Variants in RIPOR2 observed in about 807,000 individuals in gnomAD.
RIPOR2 encodes rho family-interacting cell polarization regulator 2.
RIPOR2 carries 39 observed loss-of-function variants against 114.5 expected under a neutral mutation model. That is an observed-to-expected ratio of 0.34 (90% CI 0.26 to 0.44). RIPOR2 has a LOEUF of 0.44. Among genes scored for constraint, RIPOR2 ranks in the 20% least tolerant of loss-of-function variants. RIPOR2 has a pLI of 1.00. For missense variants in RIPOR2, 1,007 were observed against 1,255.1 expected, an observed-to-expected ratio of 0.80 and a Z score of 2.99; for synonymous variants, 445 against 484.4, an observed-to-expected ratio of 0.92 and a Z score of 1.07.
At chr6:24,968,908 C>T (rs952423654) in intron 1 of RIPOR2, among the ~76,000 whole-genome samples, 1 of 152,194 alleles carries the variant, frequency 6.6e-6, no homozygotes, top group African/African-American at 2.4e-5. Flanking sequence ...CTGACCTATA[C>T]TGAACTGGCT....
chr6:24,886,911 C>A (rs1249210444), intron 1 of RIPOR2, among the ~76,000 whole-genome samples: 1 of 152,200 alleles, frequency 6.6e-6, no homozygotes, highest in Non-Finnish European at 1.5e-5. Context: ...TCAATTATTC[C>A]TATAATGATG....
chr6:24,897,498 C>T (rs1767997347), intron 1 of RIPOR2, among the ~76,000 whole-genome samples: 1 of 152,168 alleles, frequency 6.6e-6, no homozygotes, highest in South Asian at 2.1e-4. Flanking sequence ...CACTGTGTGC[C>T]ACAATTAATA....
intron 1 of RIPOR2, 32 bp from the exon 2 acceptor site, chr6:24,875,849 A>T: frequency 6.4e-7 from 1 of 1,572,716 alleles, no homozygotes; most frequent in Non-Finnish European, 8.6e-7. Flanking sequence ...ATGACAATTT[A>T]TAGGCAGGTT....
intron 1 of RIPOR2, among the ~76,000 whole-genome samples, chr6:24,891,273 T>C (rs1767331559): frequency 6.6e-6 from 1 of 152,188 alleles, no homozygotes; most frequent in Non-Finnish European, 1.5e-5. Flanking sequence ...GTTTCATTGC[T>C]GGTTCTAACT....
intron 1 of RIPOR2, among the ~76,000 whole-genome samples, chr6:24,941,407 C>A (rs767289283): frequency 1.2e-3 from 182 of 151,918 alleles, no homozygotes; most frequent in Non-Finnish European, 1.9e-3. Context: ...GGCACTGGTT[C>A]TGGGATTTGA....
intron 1 of RIPOR2, among the ~76,000 whole-genome samples, chr6:25,024,706 C>T (rs9358824): frequency 3.3e-5 from 5 of 152,042 alleles, no homozygotes; most frequent in Admixed American, 1.3e-4. Flanking sequence ...CCTTGCTCCC[C>T]GACAATACTG....
intron 1 of RIPOR2, among the ~76,000 whole-genome samples, chr6:25,017,122 C>T (rs1019747833): frequency 1.3e-5 from 2 of 152,198 alleles, no homozygotes; most frequent in Non-Finnish European, 2.9e-5. Context: ...GGTGGATCAC[C>T]TGAGGTCAGG....
intron 1 of RIPOR2, among the ~76,000 whole-genome samples, chr6:24,991,421 T>C (rs892752438): frequency 6.6e-6 from 1 of 152,210 alleles, no homozygotes; most frequent in Non-Finnish European, 1.5e-5. Context: ...GGGTAGCTTG[T>C]CTGGTGGTAT....
At chr6:25,030,054 G>A (rs1459158029) in intron 1 of RIPOR2, among the ~76,000 whole-genome samples, 1 of 151,930 alleles carries the variant, frequency 6.6e-6, no homozygotes, top group African/African-American at 2.4e-5. Context: ...TGACAGGACC[G>A]TTACAGCCTC....
chr6:25,020,524 G>T (rs1776268647), intron 1 of RIPOR2, among the ~76,000 whole-genome samples: 1 of 152,194 alleles, frequency 6.6e-6, no homozygotes, highest in African/African-American at 2.4e-5. Flanking sequence ...TAAGATGGAT[G>T]TATCTGCCAT....
rs1762678770 is a variant in RIPOR2, at chr6:24,849,825, T to C, written c.1011A>G (p.Lys337=). The C allele has an allele frequency of 6.2e-7, 1 of 1,613,654 alleles. No individual in the cohort carries two copies. Among genetic ancestry groups the C allele is most frequent in the African/African-American group, 1.3e-5 (1 of 74,902 alleles). Residue 337 remains lysine, a synonymous_variant, in exon 11 of 22, where the codon AAA becomes AAG. Coordinates refer to ENST00000643898, the MANE Select transcript of RIPOR2 (RefSeq NM_001286445.3). ...ACTACCAGGTGATTTCCAGGTTCAG[T>C]TTGATGGTACCAAGGTCATTGATGT... The part of the protein sequence containing the change: ...AVDINDLGTI[K]LNLEITWYPF...
chr6:24,930,302 T>C (rs1348897571), intron 1 of RIPOR2, among the ~76,000 whole-genome samples: 1 of 152,234 alleles, frequency 6.6e-6, no homozygotes, highest in Non-Finnish European at 1.5e-5. Flanking sequence ...TCAAGCCCTA[T>C]AGAAGACATA....
intron 18 of RIPOR2, among the ~76,000 whole-genome samples, chr6:24,825,974 G>A (rs925799630): frequency 1.4e-5 from 2 of 141,160 alleles, no homozygotes; most frequent in Non-Finnish European, 3.0e-5. Context: ...TGTCCAGGCT[G>A]GAGTGCAAAT....
At chr6:24,884,300 T>C (rs904937856) in intron 1 of RIPOR2, among the ~76,000 whole-genome samples, 1 of 152,002 alleles carries the variant, frequency 6.6e-6, no homozygotes, top group Non-Finnish European at 1.5e-5. Flanking sequence ...TCCCAGCTAC[T>C]CGGGAGGCTG....
intron 1 of RIPOR2, among the ~76,000 whole-genome samples, chr6:24,927,181 A>ACCAC (rs1561782580): frequency 0.034 from 2,282 of 67,316 alleles, 1,026 homozygotes; most frequent in East Asian, 0.043. Context: ...CACCACCACC[A>ACCAC]TGACCACCAC....
intron 1 of RIPOR2, among the ~76,000 whole-genome samples, chr6:24,990,044 A>T (rs1272664831): frequency 1.3e-5 from 2 of 152,284 alleles, no homozygotes; most frequent in African/African-American, 2.4e-5. Flanking sequence ...AAATAAAAAA[A>T]AATAAAAAAA....
chr6:24,991,588 C>T lies in RIPOR2; in HGVS notation c.76+50263G>A, dbSNP rs182075634. Among the ~76,000 whole-genome samples the T allele has an allele frequency of 3.6e-4, 55 of 152,276 alleles. No individual in the cohort carries two copies. The South Asian group carries it at 5.8e-3, about 16-fold the overall frequency. On this transcript the variant is annotated intron_variant, in intron 1 of 13. Transcript: ENST00000510784. Reference sequence around the variant, plus strand: ...GCTGAACGCCATCCATGAAATCCCACCTATGGGTTTAGGTTTATGGAATTC... The same window carrying T: ...GCTGAACGCCATCCATGAAATCCCATCTATGGGTTTAGGTTTATGGAATTC...
intron 8 of RIPOR2, among the ~76,000 whole-genome samples, chr6:24,860,321 T>G (rs1763946438): frequency 6.6e-6 from 1 of 151,546 alleles, no homozygotes; most frequent in African/African-American, 2.4e-5. Flanking sequence ...AAGTCAAGGG[T>G]AGAAAAAAAG....
At chr6:24,902,569 C>T (rs1477745551) in intron 1 of RIPOR2, among the ~76,000 whole-genome samples, 1 of 152,174 alleles carries the variant, frequency 6.6e-6, no homozygotes, top group Admixed American at 6.5e-5. Context: ...TTTGAGGACA[C>T]TTCCTGAAGT....
Sources: allele counts gnomAD v4.1 joint callset (sites outside exome capture counted in the v4.1 genomes callset), GRCh38; gene constraint gnomAD v4.1.1; transcripts MANE v1.5; gene names NCBI Gene and HGNC (gene_info 2026-07-23, HGNC 2026-07-21).